Variants in JMJD1C observed in about 807,000 individuals in gnomAD.
JMJD1C encodes jumonji domain-containing protein 1C.
Under a neutral mutation model 245.3 loss-of-function variants are expected in JMJD1C, and 31 were observed. The observed-to-expected ratio is 0.13, with a 90% CI of 0.09 to 0.17. The LOEUF is 0.17. Ranked by LOEUF, JMJD1C falls within the 10% of genes least tolerant of loss-of-function variation. The pLI is 1.00. For synonymous variants in JMJD1C, 1,057 were observed against 1,017.4 expected (o/e 1.04, Z -0.74); for missense variants, 2,691 against 3,000.2 (o/e 0.90, Z 2.41).
chr10:63,183,081 G>A (rs996834301), intron 22 of JMJD1C, among the ~76,000 whole-genome samples: 2 of 152,112 alleles, frequency 1.3e-5, no homozygotes, highest in African/African-American at 4.8e-5. Context: ...GGCTGGTCTT[G>A]AACTCCTGAC....
At chr10:63,305,430 G>A (rs1302093426) in intron 2 of JMJD1C, among the ~76,000 whole-genome samples, 1 of 145,804 alleles carries the variant, frequency 6.9e-6, no homozygotes, top group Non-Finnish European at 1.5e-5. Flanking sequence ...CTACACTCCA[G>A]CCTGGATGAC....
chr10:63,413,808 T>A (rs1230954986), intron 1 of JMJD1C, among the ~76,000 whole-genome samples: 1 of 152,036 alleles, frequency 6.6e-6, no homozygotes, highest in Non-Finnish European at 1.5e-5. Flanking sequence ...GTGGTAAAAA[T>A]TAGAGAATTT....
intron 2 of JMJD1C, among the ~76,000 whole-genome samples, chr10:63,350,704 C>T (rs983820284): frequency 4.0e-5 from 6 of 151,732 alleles, no homozygotes; most frequent in African/African-American, 1.2e-4. Context: ...GCAAGCTCTG[C>T]CTCCCGGTTT....
chr10:63,223,390 A>G (rs1188571258), intron 3 of JMJD1C, among the ~76,000 whole-genome samples: 1 of 151,748 alleles, frequency 6.6e-6, no homozygotes, highest in African/African-American at 2.4e-5. Flanking sequence ...ACCATGCACA[A>G]CTAATTTTTG....
In JMJD1C at chr10:63,465,871, G is replaced by A; in HGVS notation, c.-209C>T. 1 of 678,538 alleles carries A rather than the reference G, an allele frequency of 1.5e-6. No homozygotes were observed. The highest frequency in any genetic ancestry group is 2.7e-6 in the Non-Finnish European group (1 of 372,010). The allele number at this position is 678,538 out of a possible 1,614,324, so 42.0% of individuals were successfully genotyped here. ...AACACTCCTTTGGACTCCCAGATTCGCAGCCTTGTGCTGCAGCGCCACACA... is the reference window on the plus strand; with the variant it reads ...AACACTCCTTTGGACTCCCAGATTCACAGCCTTGTGCTGCAGCGCCACACA... On this transcript the variant is annotated 5_prime_UTR_variant, in exon 1 of 26. Transcript: ENST00000399262.
intron 2 of JMJD1C, among the ~76,000 whole-genome samples, chr10:63,357,834 C>G (rs1470563277): frequency 6.9e-4 from 92 of 133,684 alleles, no homozygotes; most frequent in Non-Finnish European, 9.8e-4. Flanking sequence ...CAGACACACA[C>G]ACACACACAC....
chr10:63,484,887 G>A (rs376282347), intron 1 of JMJD1C, among the ~76,000 whole-genome samples: 10 of 151,784 alleles, frequency 6.6e-5, no homozygotes, highest in East Asian at 1.9e-4. Flanking sequence ...CAGTTTTCCC[G>A]ATTCCACTAC....
chr10:63,213,532 G>A lies in JMJD1C; in HGVS notation c.2635C>T (p.Pro879Ser). The A allele has an allele frequency of 6.2e-7, 1 of 1,610,006 alleles. No homozygotes were observed. The highest frequency in any genetic ancestry group is 8.5e-7 in the Non-Finnish European group (1 of 1,176,508). The change falls in exon 8 of 26, where the codon CCT becomes TCT. Residue 879 changes from proline (P) to serine (S), a missense_variant. This residue lies in a region of JMJD1C where 1,562 missense variants were observed against 1,490.7 expected (regional missense o/e 1.05). Transcript: ENST00000399262. ...TCTGGGTGAACCCACTTAGAAGAAG[G>A]CAAACCAAGTCCTGAGTATGCATGT... is the stretch of plus-strand genomic sequence containing the variant. ...GTHAYSGLGL[P>S]SSKWVHPENA... is the part of the protein sequence containing the mutation.
In JMJD1C at chr10:63,234,493, T is replaced by TAAAAAAAAAAAAAAAAAAAAAAAAA. The variant is rs71025129; in HGVS notation, c.448-14535_448-14511dup. Among the ~76,000 whole-genome samples the TAAAAAAAAAAAAAAAAAAAAAAAAA allele has an allele frequency of 1.4e-4, 5 of 37,036 alleles. 1 individual carries two copies. The highest frequency in any genetic ancestry group is 4.5e-4 in the African/African-American group (4 of 8,906). 24.3% of individuals were successfully genotyped at this position (37,036 alleles called of 152,430 possible). On this transcript the variant is annotated intron_variant, in intron 3 of 25. Transcript: ENST00000399262. ...TCATCAACAGAGAGAAACCTCCTCTTAAAAAAAAAAAAAAAAAAAAAAAAA... is the reference window on the plus strand; with the variant it reads ...TCATCAACAGAGAGAAACCTCCTCTTAAAAAAAAAAAAAAAAAAAAAAAAAAAAAAAAAAAAAAAAAAAAAAAAAA...
At chr10:63,217,413 TA>T in intron 4 of JMJD1C, 82 bp from the exon 5 acceptor site, 1 of 1,037,898 alleles carries the variant, frequency 9.6e-7, no homozygotes, top group Non-Finnish European at 1.4e-6. Context: ...AAACATGAGC[TA>T]GTGTATAATA....
intron 2 of JMJD1C, among the ~76,000 whole-genome samples, chr10:63,318,258 C>A (rs901088279): frequency 2.0e-5 from 3 of 152,112 alleles, no homozygotes; most frequent in African/African-American, 7.2e-5. Context: ...CTCGAGGAAT[C>A]CTCCTATCCT....
chr10:63,496,218 C>CA (rs1954363192), intron 1 of JMJD1C, among the ~76,000 whole-genome samples: 1 of 151,190 alleles, frequency 6.6e-6, no homozygotes. Context: ...TTTTTTCAGC[C>CA]AAAAAAGTAC....
intron 1 of JMJD1C, among the ~76,000 whole-genome samples, chr10:63,441,928 A>AC (rs2132935376): frequency 6.6e-6 from 1 of 152,208 alleles, no homozygotes; most frequent in East Asian, 1.9e-4. Context: ...AGCATGGGAG[A>AC]CCCAAGTGAA....
chr10:63,301,135 C>T (rs1347092483), intron 2 of JMJD1C, among the ~76,000 whole-genome samples: 1 of 152,164 alleles, frequency 6.6e-6, no homozygotes, highest in African/African-American at 2.4e-5. Flanking sequence ...CCTGCTTCAG[C>T]TTCCCCAGTA....
chr10:63,234,628 A>T (rs1383055701), intron 3 of JMJD1C, among the ~76,000 whole-genome samples: 1 of 151,836 alleles, frequency 6.6e-6, no homozygotes, highest in Non-Finnish European at 1.5e-5. Context: ...TATAAAAAGA[A>T]CGAGTTATTT....
intron 3 of JMJD1C, 106 bp from the exon 4 acceptor site, chr10:63,220,089 C>T: frequency 1.4e-6 from 1 of 724,840 alleles, no homozygotes; most frequent in African/African-American, 1.8e-5. Flanking sequence ...TTCCTTTGAT[C>T]TAAATGTATG....
chr10:63,252,652 T>C (rs1853249055), intron 3 of JMJD1C, among the ~76,000 whole-genome samples: 1 of 152,198 alleles, frequency 6.6e-6, no homozygotes, highest in East Asian at 1.9e-4. Flanking sequence ...CCCATACTGG[T>C]ACTGTATGAG....
intron 1 of JMJD1C, chr10:63,427,603 G>T: frequency 7.1e-7 from 1 of 1,405,426 alleles, no homozygotes. Flanking sequence ...CATCAACCAT[G>T]CCCGGCTGAT....
intron 1 of JMJD1C, among the ~76,000 whole-genome samples, chr10:63,418,090 CTGTTTTATTG>C (rs767077631): frequency 3.3e-5 from 5 of 152,098 alleles, no homozygotes; most frequent in Non-Finnish European, 5.9e-5. Flanking sequence ...AAATCATATT[CTGTTTTATTG>C]TGTTACAGCA....
Sources: allele counts gnomAD v4.1 joint callset (sites outside exome capture counted in the v4.1 genomes callset), GRCh38; gene constraint gnomAD v4.1.1; regional missense constraint gnomAD v4.1.1; transcripts MANE v1.5; gene names NCBI Gene and HGNC (gene_info 2026-07-23, HGNC 2026-07-21).